LIPA: variants seen among roughly 807,000 people sequenced by gnomAD.
LIPA encodes lipase A, lysosomal acid type, also known as lysosomal acid lipase/cholesteryl ester hydrolase.
In LIPA, 26 loss-of-function variants were observed where a neutral mutation model predicts 40.6. The observed-to-expected ratio is 0.64, with a 90% CI of 0.47 to 0.89. The LOEUF (loss-of-function observed/expected upper bound fraction) is 0.89, where lower values mean the gene tolerates loss of function less well. Ranked by LOEUF, LIPA falls within the 40% of genes least tolerant of loss-of-function variation. LIPA has a pLI of 0.00. For missense variants in LIPA, 455 were observed against 479.6 expected (o/e 0.95, Z 0.48); for synonymous variants, 188 against 168.4 (o/e 1.12, Z -0.90).
At chr10:89,314,166 A>G (rs190770359) in intron 1 of LIPA, among the ~76,000 whole-genome samples, 1 of 152,106 alleles carries the variant, frequency 6.6e-6, no homozygotes, top group Non-Finnish European at 1.5e-5. Flanking sequence ...CATTGCTTTC[A>G]CATTCGGTAG....
chr10:89,225,930 C>G (rs756815394), intron 5 of LIPA, among the ~76,000 whole-genome samples: 6 of 152,204 alleles, frequency 3.9e-5, no homozygotes, highest in Non-Finnish European at 8.8e-5. Flanking sequence ...ATGTTCCTTG[C>G]TCTTCCGTCA....
At chr10:89,381,778 T>C (rs1266051221) in intron 2 of LIPA, among the ~76,000 whole-genome samples, 1 of 152,084 alleles carries the variant, frequency 6.6e-6, no homozygotes, top group East Asian at 1.9e-4. Flanking sequence ...TTCCTTTCCT[T>C]TATTTTCTTT....
intron 3 of LIPA, among the ~76,000 whole-genome samples, chr10:89,231,983 C>A (rs139460105): frequency 6.6e-6 from 1 of 152,104 alleles, no homozygotes; most frequent in East Asian, 1.9e-4. Context: ...GTAGATACAG[C>A]GTCTTATGCA....
rs1344163108 is a variant in LIPA at position 89,215,017 on chromosome 10, A to C, written c.1011T>G (p.Thr337=). The change falls in exon 10 of 10, where the codon ACT becomes ACG. Residue 337 remains threonine (T), a synonymous_variant. Transcript: ENST00000336233. Reference sequence around the variant, plus strand: ...AGTCGTGACCCCCGCTCCAGACTGCAGTCGGCACAAGCATGTCCTTCACAT... The same window carrying C: ...AGTCGTGACCCCCGCTCCAGACTGCCGTCGGCACAAGCATGTCCTTCACAT... The part of the protein sequence containing the change: ...TYNVKDMLVP[T]AVWSGGHDWL... The C allele has an allele frequency of 6.2e-7, 1 of 1,614,136 alleles. No homozygotes were observed. Among genetic ancestry groups the C allele is most frequent in the Non-Finnish European group, 8.5e-7 (1 of 1,179,958 alleles).
At chr10:89,254,920 A>T (rs1228963389), upstream of LIPA, among the ~76,000 whole-genome samples, 1 of 152,178 alleles carries the variant, frequency 6.6e-6, no homozygotes, top group Non-Finnish European at 1.5e-5. Context: ...GTTCACAACA[A>T]GTTTCTCATC....
chr10:89,380,046 A>C (rs1292661778), intron 2 of LIPA, among the ~76,000 whole-genome samples: 1 of 152,102 alleles, frequency 6.6e-6, no homozygotes, highest in South Asian at 2.1e-4. Context: ...AAAAAAAAAA[A>C]AAACAAAAGG....
chr10:89,382,423 C>CTGA (rs1844170093), intron 2 of LIPA, among the ~76,000 whole-genome samples: 1 of 152,208 alleles, frequency 6.6e-6, no homozygotes, highest in Non-Finnish European at 1.5e-5. Context: ...ACTAGGACTT[C>CTGA]AGTTCCACTT....
chr10:89,374,719 C>A (rs1844110451), intron 2 of LIPA, among the ~76,000 whole-genome samples: 1 of 152,154 alleles, frequency 6.6e-6, no homozygotes, highest in Non-Finnish European at 1.5e-5. Context: ...AATTGGCCTC[C>A]TAGAAGCTTC....
At chr10:89,393,546 A>G (rs1320403040) in intron 2 of LIPA, among the ~76,000 whole-genome samples, 1 of 152,218 alleles carries the variant, frequency 6.6e-6, no homozygotes, top group Non-Finnish European at 1.5e-5. Context: ...CATCCTGGCC[A>G]ACATGGTGAA....
In LIPA at chr10:89,307,290, A is replaced by G. The variant is rs138979563; in HGVS notation, c.-2+35321T>C. On this transcript the variant is annotated intron_variant, in intron 1 of 5. Transcript: ENST00000282673. Reference sequence around the variant, plus strand: ...GCATTCCTTCAGGAGCTGAATGAAAAAATGCAACAAGCAGATGAAGACTCT... The same window carrying G: ...GCATTCCTTCAGGAGCTGAATGAAAGAATGCAACAAGCAGATGAAGACTCT... 10,442 of 1,613,938 alleles carry G rather than the reference A, an allele frequency of 6.5e-3. 59 individuals are homozygous for G. The highest frequency in any genetic ancestry group is 9.7e-3 in the Middle Eastern group (59 of 6,062).
At chr10:89,400,335 G>C (rs2481931) in intron 2 of LIPA, among the ~76,000 whole-genome samples, 3 of 151,884 alleles carry the variant, frequency 2.0e-5, no homozygotes, top group Non-Finnish European at 2.9e-5. Flanking sequence ...ATTTTTATTA[G>C]GATTGCATTG....
chr10:89,335,191 A>T (rs1445753736), intron 1 of LIPA: 1 of 152,196 alleles, frequency 6.6e-6, no homozygotes, highest in Non-Finnish European at 1.5e-5. Flanking sequence ...CCCAATTTTC[A>T]GTGGGTTTTA....
exon 2 of LIPA, chr10:89,412,823 T>G (rs780628218): frequency 2.5e-6 from 1 of 403,072 alleles, no homozygotes; most frequent in South Asian, 1.7e-5. Flanking sequence ...CATCTGAACA[T>G]CGAAAGGAAC....
intron 2 of LIPA, among the ~76,000 whole-genome samples, chr10:89,356,626 C>G (rs1843990128): frequency 6.6e-6 from 1 of 152,210 alleles, no homozygotes; most frequent in Non-Finnish European, 1.5e-5. Flanking sequence ...CCATCACCCC[C>G]AGATGGGACC....
intron 3 of LIPA, among the ~76,000 whole-genome samples, chr10:89,235,664 G>A (rs547772774): frequency 1.6e-4 from 25 of 152,206 alleles, no homozygotes; most frequent in Non-Finnish European, 3.4e-4. Context: ...ACAGGACTCC[G>A]TCACACTCCA....
chr10:89,362,670 G>T, intron 2 of LIPA: 1 of 605,486 alleles, frequency 1.7e-6, no homozygotes, highest in South Asian at 3.1e-5. Flanking sequence ...GGATAAGGTA[G>T]AGAACATTTG....
intron 1 of LIPA, among the ~76,000 whole-genome samples, chr10:89,312,580 G>A (rs539150023): frequency 2.6e-4 from 39 of 152,018 alleles, no homozygotes; most frequent in African/African-American, 5.1e-4. Context: ...TGACTGAGGC[G>A]GGCGGATCAC....
At chr10:89,287,727 C>A (rs751777231) in intron 1 of LIPA, among the ~76,000 whole-genome samples, 2 of 152,222 alleles carry the variant, frequency 1.3e-5, no homozygotes, top group Non-Finnish European at 2.9e-5. Context: ...AGCATGTTAT[C>A]ACTTGCCTGT....
intron 1 of LIPA, among the ~76,000 whole-genome samples, chr10:89,325,942 T>C (rs1284064929): frequency 6.6e-6 from 1 of 152,086 alleles, no homozygotes; most frequent in Non-Finnish European, 1.5e-5. Flanking sequence ...CAATAACAAA[T>C]GCTGGCAAGG....
Sources: gnomAD v4.1 joint callset for allele counts (sites outside exome capture counted in the v4.1 genomes callset) on GRCh38, gnomAD v4.1.1 for gene constraint, MANE v1.5 for transcripts, NCBI Gene and HGNC (gene_info 2026-07-23, HGNC 2026-07-21) for gene names.